The following SCLT1 variants were observed in gnomAD, a reference collection of about 807,000 sequenced individuals.
SCLT1 encodes sodium channel and clathrin linker 1.
SCLT1 carries 78 observed loss-of-function variants against 112.8 expected under a neutral mutation model. The ratio of observed to expected loss-of-function variants is 0.69; its 90% CI spans 0.58 to 0.83. The LOEUF is 0.83. Ranked by LOEUF, SCLT1 falls within the 40% of genes least tolerant of loss-of-function variation. The probability of loss-of-function intolerance (pLI) is 0.00; values close to 1 mark genes in which losing one functional copy is unlikely to be tolerated. For synonymous variants in SCLT1, 257 were observed against 254.7 expected, an observed-to-expected ratio of 1.01 and a Z score of -0.09; for missense variants, 747 against 770.4, an observed-to-expected ratio of 0.97 and a Z score of 0.36.
At chr4:128,988,493 A>T (rs1470109019) in intron 9 of SCLT1, among the ~76,000 whole-genome samples, 2 of 151,980 alleles carry the variant, frequency 1.3e-5, no homozygotes, top group Admixed American at 6.6e-5. Context: ...ATACAAAAAA[A>T]CCTGAAAAGC....
chr4:129,085,842 C>A (rs935290309), intron 1 of SCLT1, among the ~76,000 whole-genome samples: 1 of 151,880 alleles, frequency 6.6e-6, no homozygotes, highest in Non-Finnish European at 1.5e-5. Flanking sequence ...CCAACACACA[C>A]GGTGGCCTAT....
chr4:128,983,287 G>A (rs1313041801), intron 9 of SCLT1, among the ~76,000 whole-genome samples: 2 of 152,082 alleles, frequency 1.3e-5, no homozygotes, highest in African/African-American at 4.8e-5. Context: ...ACTTTACAAG[G>A]CAGGCATAAA....
chr4:129,046,749 C>A (rs1020809089), intron 2 of SCLT1, among the ~76,000 whole-genome samples: 2 of 152,030 alleles, frequency 1.3e-5, no homozygotes, highest in Admixed American at 1.3e-4. Flanking sequence ...AAATGTCAAA[C>A]AATTTTCTGA....
intron 9 of SCLT1, among the ~76,000 whole-genome samples, chr4:128,975,409 T>C (rs1010500606): frequency 2.0e-5 from 3 of 152,096 alleles, no homozygotes; most frequent in Non-Finnish European, 2.9e-5. Context: ...TAGGATATAA[T>C]ACTAGATTTA....
intron 1 of SCLT1, among the ~76,000 whole-genome samples, chr4:129,089,873 G>A (rs1579985803): frequency 6.6e-6 from 1 of 152,132 alleles, no homozygotes; most frequent in East Asian, 1.9e-4. Context: ...GGGAGTGGGG[G>A]ACTAAGGGAG....
Position 128,976,619 on chromosome 4 carries a change from C to T in SCLT1, c.687-6151G>A, listed in dbSNP as rs557924974. On this transcript the variant is annotated intron_variant, in intron 9 of 20. Coordinates refer to ENST00000281142, the MANE Select transcript of SCLT1 (RefSeq NM_144643.4). The stretch of plus-strand genomic sequence containing the variant: ...CTTTCAGCTCAATGTAATTATAGCG[C>T]TATAGTAATCTTGAGGAGGGCCACA... Among the ~76,000 whole-genome samples, 9 of 152,170 alleles carry T rather than the reference C, an allele frequency of 5.9e-5. No individual in the cohort carries two copies. The East Asian group carries it at 1.7e-3, about 29-fold the overall frequency.
intron 5 of SCLT1, among the ~76,000 whole-genome samples, chr4:129,009,668 G>A (rs112400959): frequency 0.019 from 2,909 of 152,232 alleles, 96 homozygotes; most frequent in African/African-American, 0.063. Flanking sequence ...TCTGACTGGC[G>A]TGAGATGGTA....
At chr4:128,971,679 G>C (rs955729590) in intron 9 of SCLT1, 15 of 152,206 alleles carry the variant, frequency 9.9e-5, no homozygotes, top group African/African-American at 3.6e-4. Flanking sequence ...TATTTTATAT[G>C]ATGAGGCATT....
intron 18 of SCLT1, among the ~76,000 whole-genome samples, chr4:128,917,573 G>A: frequency 6.6e-6 from 1 of 152,108 alleles, no homozygotes; most frequent in African/African-American, 2.4e-5. Context: ...CTCGATTACT[G>A]TGCTAAGTGA....
intron 18 of SCLT1, among the ~76,000 whole-genome samples, chr4:128,929,010 T>C (rs1736537508): frequency 6.6e-6 from 1 of 152,200 alleles, no homozygotes; most frequent in South Asian, 2.1e-4. Flanking sequence ...TGATTATCCC[T>C]ACTCTGTGCA....
chr4:128,944,758 G>T (rs960334566), intron 16 of SCLT1: 3 of 152,178 alleles, frequency 2.0e-5, no homozygotes, highest in African/African-American at 7.2e-5. Context: ...TGTGGAGAAT[G>T]TGGGAAAGCC....
chr4:128,938,272 A>G (rs1314587505), intron 17 of SCLT1, among the ~76,000 whole-genome samples: 2 of 152,236 alleles, frequency 1.3e-5, no homozygotes, highest in African/African-American at 2.4e-5. Flanking sequence ...GTCAAAAAAC[A>G]CAAAACAAGG....
intron 13 of SCLT1, among the ~76,000 whole-genome samples, chr4:128,955,182 T>C (rs1391112472): frequency 6.6e-6 from 1 of 152,218 alleles, no homozygotes; most frequent in Non-Finnish European, 1.5e-5. Flanking sequence ...ACTTTTGTCA[T>C]GTGAGGAAAC....
At chr4:129,002,978 T>C (rs1211467306) in intron 6 of SCLT1, among the ~76,000 whole-genome samples, 1 of 152,144 alleles carries the variant, frequency 6.6e-6, no homozygotes, top group Non-Finnish European at 1.5e-5. Context: ...TAAAGACACA[T>C]GCACATGTAT....
intron 9 of SCLT1, among the ~76,000 whole-genome samples, chr4:128,982,548 C>T (rs547833062): frequency 6.6e-6 from 1 of 152,296 alleles, no homozygotes; most frequent in African/African-American, 2.4e-5. Context: ...GTTGCCCAGG[C>T]TGGAGTACAA....
intron 2 of SCLT1, among the ~76,000 whole-genome samples, chr4:129,081,418 G>T (rs577081118): frequency 3.9e-5 from 6 of 152,336 alleles, no homozygotes; most frequent in Middle Eastern, 6.8e-3. Flanking sequence ...TGGACTCGGG[G>T]TACCTGCCAG....
At position 129,029,602 on chromosome 4, in the gene SCLT1, C is replaced by T. The variant is rs188640745; in HGVS notation, c.290+9439G>A. Among the ~76,000 whole-genome samples, 35 of 151,814 alleles carry T rather than the reference C, an allele frequency of 2.3e-4. No homozygotes were observed. In the East Asian group the frequency reaches 5.2e-3, roughly 23 times the overall value. On this transcript the variant is annotated intron_variant, in intron 5 of 20. Transcript: ENST00000281142. ...AAATGACGAGTTAATGGGTGCAGCA[C>T]ACCAGCATGGCACATGTATACATAC...
At chr4:129,040,736 C>A (rs1327033164) in intron 4 of SCLT1, among the ~76,000 whole-genome samples, 2 of 152,148 alleles carry the variant, frequency 1.3e-5, no homozygotes, top group Admixed American at 1.3e-4. Flanking sequence ...TGCAGTGCTA[C>A]TTTTCCTGCT....
chr4:128,894,464 T>A (rs1315946766), intron 18 of SCLT1, among the ~76,000 whole-genome samples: 1 of 151,434 alleles, frequency 6.6e-6, no homozygotes, highest in Admixed American at 6.6e-5. Flanking sequence ...AATATGAAAA[T>A]TTATATACTT....
Sources: gnomAD v4.1 joint callset for allele counts (sites outside exome capture counted in the v4.1 genomes callset) on GRCh38, gnomAD v4.1.1 for gene constraint, MANE v1.5 for transcripts, NCBI Gene and HGNC (gene_info 2026-07-23, HGNC 2026-07-21) for gene names.